Variants in BACH2 observed in about 807,000 individuals in gnomAD.
BACH2 encodes BACH transcriptional regulator 2, also known as transcription regulator protein BACH2.
A neutral mutation model predicts 61.8 loss-of-function variants in BACH2; 5 were observed. That is an observed-to-expected ratio of 0.08 (90% CI 0.04 to 0.17). The LOEUF is 0.17. BACH2 is among the 10% of genes least tolerant of loss of function. The pLI is 1.00. For synonymous variants in BACH2, 446 were observed against 440.1 expected (o/e 1.01, Z -0.17); for missense variants, 824 against 1,091.1 (o/e 0.76, Z 3.45).
At chr6:90,095,897 C>T (rs1278979551) in intron 4 of BACH2, among the ~76,000 whole-genome samples, 2 of 152,138 alleles carry the variant, frequency 1.3e-5, no homozygotes, top group Admixed American at 1.3e-4. Context: ...TGAGAGAACC[C>T]TGACTCAGAG....
At chr6:90,117,359 C>T (rs949994232) in intron 4 of BACH2, among the ~76,000 whole-genome samples, 1 of 152,128 alleles carries the variant, frequency 6.6e-6, no homozygotes, top group African/African-American at 2.4e-5. Context: ...TCCCTCTTCC[C>T]TCTCTCTGGC....
At chr6:90,103,020 TATATATA>T (rs1782729442) in intron 4 of BACH2, among the ~76,000 whole-genome samples, 1 of 43,380 alleles carries the variant, frequency 2.3e-5, no homozygotes, top group Non-Finnish European at 4.6e-5. Flanking sequence ...TATATATATA[TATATATA>T]TATTTTTTTT....
chr6:90,196,755 A>T (rs979407515), intron 4 of BACH2, among the ~76,000 whole-genome samples: 3 of 152,180 alleles, frequency 2.0e-5, no homozygotes, highest in Non-Finnish European at 4.4e-5. Flanking sequence ...ATCTTAATTA[A>T]TTGCTTATAT....
intron 4 of BACH2, among the ~76,000 whole-genome samples, chr6:90,135,106 C>A (rs1412252971): frequency 6.6e-6 from 1 of 152,166 alleles, no homozygotes; most frequent in Non-Finnish European, 1.5e-5. Context: ...CATGCTAAAG[C>A]CATTTTCTTC....
chr6:90,182,220 C>A (rs1768189191), intron 4 of BACH2, among the ~76,000 whole-genome samples: 1 of 152,176 alleles, frequency 6.6e-6, no homozygotes, highest in Admixed American at 6.5e-5. Context: ...GAATCAAAGA[C>A]ACTTTTCTCT....
chr6:90,095,732 G>C (rs1283691060), intron 4 of BACH2, among the ~76,000 whole-genome samples: 1 of 151,782 alleles, frequency 6.6e-6, no homozygotes, highest in East Asian at 1.9e-4. Context: ...TGGAATACTA[G>C]CCTGTATTGA....
chr6:90,246,027 G>A (rs1770624540), intron 3 of BACH2, among the ~76,000 whole-genome samples: 1 of 152,182 alleles, frequency 6.6e-6, no homozygotes, highest in Non-Finnish European at 1.5e-5. Flanking sequence ...CGTGGCAGAA[G>A]TTAAGTTGGA....
At chr6:89,959,381 C>T (rs929433276) in intron 6 of BACH2, among the ~76,000 whole-genome samples, 4 of 152,206 alleles carry the variant, frequency 2.6e-5, no homozygotes, top group Non-Finnish European at 4.4e-5. Flanking sequence ...AATCAGTTAA[C>T]AGACTCAGAC....
In BACH2 at chr6:90,198,880, T is replaced by C. The variant is rs112262277; in HGVS notation, c.-162+7689A>G. Among the ~76,000 whole-genome samples the C allele has an allele frequency of 2.3e-3, 357 of 152,268 alleles. 2 individuals are homozygous for C. The highest frequency in any genetic ancestry group is 6.4e-3 in the African/African-American group (267 of 41,566). On this transcript the variant is annotated intron_variant, in intron 4 of 8. Coordinates refer to ENST00000257749, the MANE Select transcript of BACH2 (RefSeq NM_021813.4). The stretch of plus-strand genomic sequence containing the variant: ...ATAGGAGGGACCTGGTAGGAGGTAA[T>C]TGTTAACTGAATCATGGGGGTGGGT...
chr6:90,144,383 G>A (rs183283468), intron 4 of BACH2, among the ~76,000 whole-genome samples: 1 of 152,266 alleles, frequency 6.6e-6, no homozygotes, highest in Admixed American at 6.5e-5. Flanking sequence ...AAGGAGGGAG[G>A]GAGGGAGGAA....
intron 4 of BACH2, among the ~76,000 whole-genome samples, chr6:90,178,461 C>T (rs1562489308): frequency 6.6e-6 from 1 of 152,104 alleles, no homozygotes; most frequent in East Asian, 1.9e-4. Context: ...ATTTCTGGGG[C>T]GTGTCTACTA....
At chr6:90,248,253 C>G (rs1319708287) in intron 3 of BACH2, among the ~76,000 whole-genome samples, 2 of 152,132 alleles carry the variant, frequency 1.3e-5, no homozygotes, top group African/African-American at 2.4e-5. Flanking sequence ...GTACTTAACA[C>G]TCCTGACAGA....
chr6:90,050,893 T>A (rs915341602), intron 5 of BACH2, among the ~76,000 whole-genome samples: 1 of 151,988 alleles, frequency 6.6e-6, no homozygotes, highest in African/African-American at 2.4e-5. Context: ...TGCTTCAGCC[T>A]CCCAAGTAGT....
At chr6:90,164,625 G>C (rs896217874) in intron 4 of BACH2, among the ~76,000 whole-genome samples, 1 of 152,116 alleles carries the variant, frequency 6.6e-6, no homozygotes, top group African/African-American at 2.4e-5. Flanking sequence ...GAGAATTTTA[G>C]ACCAATATCC....
chr6:90,290,603 T>C (rs1389532407), intron 1 of BACH2, among the ~76,000 whole-genome samples: 1 of 152,232 alleles, frequency 6.6e-6, no homozygotes. Context: ...CTATGGATAC[T>C]GAAATACTAA....
chr6:90,024,696 A>T (rs1778545541), intron 5 of BACH2, among the ~76,000 whole-genome samples: 1 of 152,244 alleles, frequency 6.6e-6, no homozygotes, highest in Non-Finnish European at 1.5e-5. Context: ...AAAGAACACA[A>T]CTGGCTGGAA....
intron 1 of BACH2, among the ~76,000 whole-genome samples, chr6:90,282,769 T>C (rs1295177724): frequency 1.3e-5 from 2 of 151,898 alleles, no homozygotes; most frequent in Non-Finnish European, 2.9e-5. Flanking sequence ...ACCGAGAGTG[T>C]GTAAGTGTTC....
At chr6:90,042,444 C>T (rs79450538) in intron 5 of BACH2, among the ~76,000 whole-genome samples, 14,736 of 151,762 alleles carry the variant, frequency 0.097, 2,279 homozygotes, top group African/African-American at 0.33. Context: ...GGCTCATCCA[C>T]TCACCTCGGC....
At chr6:89,973,874 G>A (rs181484022) in intron 6 of BACH2, among the ~76,000 whole-genome samples, 111 of 152,084 alleles carry the variant, frequency 7.3e-4, no homozygotes, top group African/African-American at 2.6e-3. Flanking sequence ...TGGATAAAGT[G>A]AAAGAAAAAT....
Sources: gnomAD v4.1 joint callset for allele counts (sites outside exome capture counted in the v4.1 genomes callset) on GRCh38, gnomAD v4.1.1 for gene constraint, MANE v1.5 for transcripts, NCBI Gene and HGNC (gene_info 2026-07-23, HGNC 2026-07-21) for gene names.